Variants in SPTBN4 observed in about 807,000 individuals in gnomAD.
The protein encoded by SPTBN4 is spectrin beta chain, non-erythrocytic 4.
Under a neutral mutation model 277.8 loss-of-function variants are expected in SPTBN4, and 96 were observed. The ratio of observed to expected loss-of-function variants is 0.35; its 90% CI spans 0.29 to 0.41. SPTBN4 has a LOEUF of 0.41. Among genes scored for constraint, SPTBN4 ranks in the 10% least tolerant of loss-of-function variants. SPTBN4 has a pLI of 1.00. For missense variants in SPTBN4, 3,006 were observed against 3,595.7 expected (o/e 0.84, Z 4.19); for synonymous variants, 1,481 against 1,580.3 (o/e 0.94, Z 1.49).
chr19:40,567,004 A>G (rs914444557), intron 30 of SPTBN4: 1 of 299,114 alleles, frequency 3.3e-6, no homozygotes, highest in Non-Finnish European at 7.0e-6. Context: ...AAACCGCTTA[A>G]AGGCTGGGTG....
chr19:40,516,000 TACGTATATATACACACATATAC>T lies in SPTBN4; in HGVS notation c.2903+553_2903+574del, dbSNP rs2080453928. ...ATATATACGTATATATACACATATA[TACGTATATATACACACATATAC>T]GTATATATACACATATATATGTATA... is the stretch of plus-strand genomic sequence containing the variant. On this transcript the variant is annotated intron_variant, in intron 15 of 35. Transcript: ENST00000598249. This position sits in a 1 kb window ranked among gnomAD's most constrained non-coding sequence, Gnocchi z 4.1. Among the ~76,000 whole-genome samples the T allele has an allele frequency of 1.4e-4, 20 of 147,896 alleles. 1 individual carries two copies. The highest frequency in any genetic ancestry group is 3.6e-3 in the Middle Eastern group (1 of 280).
chr19:40,570,864 C>CG (rs2081149549), intron 33 of SPTBN4, 136 bp downstream of exon 33: 1 of 857,654 alleles, frequency 1.2e-6, no homozygotes. Context: ...GGGGCCAGAG[C>CG]TGGGGGGTGG....
chr19:40,497,629 A>C (rs1568776326), intron 7 of SPTBN4, 25 bp downstream of exon 7: 1 of 1,598,066 alleles, frequency 6.3e-7, no homozygotes, highest in Non-Finnish European at 8.6e-7. Flanking sequence ...GGCCCAGCCC[A>C]GACTTCGTCT....
chr19:40,554,389 G>A lies in SPTBN4; in HGVS notation c.4917G>A (p.Glu1639=). The change falls in exon 23 of 36, where the codon GAG becomes GAA. Residue 1639 remains glutamate (E), a synonymous_variant. Transcript: ENST00000598249. This position sits in a 1 kb window ranked among gnomAD's most constrained non-coding sequence, Gnocchi z 5.7. ...CTGAGGTGGAGGCGTGGCTGGGCGA[G>A]CAGGAGCTGCTCATGATGAGTGAGG... ...DVAEVEAWLG[E]QELLMMSEDK... The A allele has an allele frequency of 1.3e-6, 2 of 1,589,080 alleles. No individual in the cohort carries two copies. The highest frequency in any genetic ancestry group is 1.7e-6 in the Non-Finnish European group (2 of 1,170,948).
At chr19:40,498,457 G>C (rs1173593051) in intron 7 of SPTBN4, among the ~76,000 whole-genome samples, 1 of 151,366 alleles carries the variant, frequency 6.6e-6, no homozygotes, top group African/African-American at 2.4e-5. Flanking sequence ...CCAGGCTGGA[G>C]TGCAGTGGCA....
rs748562423 is a variant in SPTBN4, at chr19:40,502,028, G to A, written c.892G>A (p.Gly298Arg). The A allele has an allele frequency of 5.6e-6, 9 of 1,614,052 alleles. No individual in the cohort carries two copies. The highest frequency in any genetic ancestry group is 5.1e-6 in the Non-Finnish European group (6 of 1,180,038). Residue 298 changes from glycine to arginine, a missense_variant, in exon 8 of 36, where the codon GGG becomes AGG. Physicochemically the swap from Gly to Arg is moderately radical, Grantham distance 125. Around this residue, in one of 5 missense-constraint regions of SPTBN4, gnomAD observed 1,759 missense variants for 2,061.5 expected, o/e 0.85. Transcript: ENST00000598249. This position sits in a 1 kb window ranked among gnomAD's most constrained non-coding sequence, Gnocchi z 4.9. The part of the protein sequence containing the change: ...KALAVEGKRI[G>R]KVLDQVLEVG... Reference sequence around the variant, plus strand: ...TCTGGCTGTGGAGGGGAAGCGTATCGGGAAGGTATAAGGAGCCAAGGAGTG... The same window carrying A: ...TCTGGCTGTGGAGGGGAAGCGTATCAGGAAGGTATAAGGAGCCAAGGAGTG...
At chr19:40,550,524 A>G (rs1240623208) in intron 22 of SPTBN4, among the ~76,000 whole-genome samples, 197 bp downstream of exon 22, 2 of 141,044 alleles carry the variant, frequency 1.4e-5, no homozygotes, top group African/African-American at 2.7e-5. Context: ...TTTTTTTGAG[A>G]TGGAGCCTTG....
chr19:40,573,963 A>G (rs375902484), intron 35 of SPTBN4, among the ~76,000 whole-genome samples: 37 of 150,570 alleles, frequency 2.5e-4, no homozygotes, highest in African/African-American at 6.9e-4. Context: ...TTAGCTGGGC[A>G]TGGTGGCGGG....
rs543401196 is a variant in SPTBN4 at position 40,514,966 on chromosome 19, G to A, written c.2766-345G>A. On this transcript the variant is annotated intron_variant, in intron 14 of 35. Transcript: ENST00000598249. ...CTAAAAATAGAAAAGTTAGCTGGGC[G>A]TGGTGGCGCATGCTTGTAATCCCAG... Among the ~76,000 whole-genome samples the A allele has an allele frequency of 4.7e-4, 71 of 152,216 alleles. 1 individual carries two copies. In the Middle Eastern group the frequency reaches 0.014, roughly 29 times the overall value.
At chr19:40,534,051 A>G (rs1431065259) in intron 19 of SPTBN4, 29 bp from the exon 20 acceptor site, 4 of 1,579,676 alleles carry the variant, frequency 2.5e-6, no homozygotes, top group Non-Finnish European at 3.5e-6. Context: ...TATCTTCTCC[A>G]TCTCCTGCCA....
intron 11 of SPTBN4, among the ~76,000 whole-genome samples, chr19:40,503,196 G>A (rs2080283503): frequency 6.6e-6 from 1 of 150,500 alleles, no homozygotes; most frequent in African/African-American, 2.5e-5. Flanking sequence ...TTTCAGGAAT[G>A]GGGGAGTGTT....
At chr19:40,483,826 C>T (rs1417032803) in intron 2 of SPTBN4, among the ~76,000 whole-genome samples, 2 of 152,088 alleles carry the variant, frequency 1.3e-5, no homozygotes, top group Non-Finnish European at 2.9e-5. Context: ...TGGGTTCTGC[C>T]CTGTCTGTAC....
chr19:40,493,179 C>A, intron 5 of SPTBN4, 125 bp downstream of exon 5: 3 of 733,160 alleles, frequency 4.1e-6, no homozygotes, highest in East Asian at 2.7e-5. Flanking sequence ...ACATCTGAAA[C>A]TAACCAGCTG....
chr19:40,478,070 C>T (rs2079969064), intron 2 of SPTBN4, among the ~76,000 whole-genome samples: 1 of 152,048 alleles, frequency 6.6e-6, no homozygotes, highest in Non-Finnish European at 1.5e-5. Context: ...GAACTCCTGA[C>T]ATCAGGTGAC....
intron 35 of SPTBN4, among the ~76,000 whole-genome samples, chr19:40,573,888 T>G (rs907208110): frequency 6.6e-6 from 1 of 151,842 alleles, no homozygotes; most frequent in African/African-American, 2.4e-5. Context: ...GATCACAAGG[T>G]CAGGAGATCG....
chr19:40,570,939 C>T, intron 33 of SPTBN4: 1 of 535,078 alleles, frequency 1.9e-6, no homozygotes, highest in Non-Finnish European at 3.2e-6. Context: ...GTCAGGCCCT[C>T]CAACCCGTGG....
chr19:40,536,554 G>A (rs2080739149), intron 20 of SPTBN4, among the ~76,000 whole-genome samples: 1 of 152,078 alleles, frequency 6.6e-6, no homozygotes, highest in Non-Finnish European at 1.5e-5. Flanking sequence ...GTTCTCAAAT[G>A]TCTGGGTCTC....
At chr19:40,500,898 G>A (rs575761946) in intron 7 of SPTBN4, among the ~76,000 whole-genome samples, 3 of 151,764 alleles carry the variant, frequency 2.0e-5, no homozygotes, top group Admixed American at 2.0e-4. Flanking sequence ...GGAAAAGAAA[G>A]GAAACAGGCA....
intron 17 of SPTBN4, among the ~76,000 whole-genome samples, chr19:40,524,781 C>T (rs1224438053): frequency 4.6e-5 from 7 of 152,240 alleles, no homozygotes. Flanking sequence ...TCTTGAACCT[C>T]ATTGTTCTCT....
Sources: gnomAD v4.1 joint callset for allele counts (sites outside exome capture counted in the v4.1 genomes callset) on GRCh38, gnomAD v4.1.1 for gene constraint, gnomAD v4.1.1 regional missense constraint, Gnocchi (gnomAD v3.1) non-coding constraint, MANE v1.5 for transcripts, NCBI Gene and HGNC (gene_info 2026-07-23, HGNC 2026-07-21) for gene names.